The following PARD3B variants were observed in gnomAD, a reference collection of about 807,000 sequenced individuals.
PARD3B encodes the protein par-3 family cell polarity regulator beta, also known as partitioning defective 3 homolog B.
PARD3B carries 103 observed loss-of-function variants against 130.2 expected under a neutral mutation model. The observed-to-expected ratio is 0.79, with a 90% CI of 0.67 to 0.93. The LOEUF (loss-of-function observed/expected upper bound fraction) is 0.93. Among genes scored for constraint, PARD3B ranks in the 40% least tolerant of loss-of-function variants. PARD3B has a pLI of 0.00. For synonymous variants in PARD3B, 583 were observed against 553.2 expected, an observed-to-expected ratio of 1.05 and a Z score of -0.76; for missense variants, 1,609 against 1,499.2, an observed-to-expected ratio of 1.07 and a Z score of -1.21.
chr2:204,643,315 A>C (rs1297464219), intron 1 of PARD3B, among the ~76,000 whole-genome samples: 2 of 151,750 alleles, frequency 1.3e-5, no homozygotes, highest in Non-Finnish European at 2.9e-5. Context: ...CCCAGTCTGT[A>C]ATACAGCATA....
chr2:205,148,825 A>C (rs2033551028), intron 10 of PARD3B, among the ~76,000 whole-genome samples: 1 of 152,172 alleles, frequency 6.6e-6, no homozygotes, highest in Non-Finnish European at 1.5e-5. Flanking sequence ...GCTGCTCACA[A>C]CACAGACTAA....
intron 1 of PARD3B, among the ~76,000 whole-genome samples, chr2:204,676,859 A>G (rs1453533594): frequency 1.3e-5 from 2 of 151,860 alleles, no homozygotes; most frequent in African/African-American, 2.4e-5. Context: ...TAGTAGAGAC[A>G]GGGTTTCACC....
chr2:204,620,049 T>A (rs11675511), intron 1 of PARD3B, among the ~76,000 whole-genome samples: 2 of 151,964 alleles, frequency 1.3e-5, no homozygotes, highest in Non-Finnish European at 2.9e-5. Context: ...TCACCCAGGC[T>A]GGAGTGCAAT....
intron 22 of PARD3B, among the ~76,000 whole-genome samples, chr2:205,586,552 G>T (rs1331597536): frequency 6.6e-6 from 1 of 152,044 alleles, no homozygotes; most frequent in Non-Finnish European, 1.5e-5. Context: ...AGTGGAAAAT[G>T]TTCTGTCTCC....
rs1231542757 is a variant in PARD3B, at chr2:205,229,230, C to G, written c.2141-16548C>G. Among the ~76,000 whole-genome samples the G allele has an allele frequency of 6.6e-6, 1 of 152,194 alleles. No individual in the cohort carries two copies. The highest frequency in any genetic ancestry group is 1.5e-5 in the Non-Finnish European group (1 of 68,034). On this transcript the variant is annotated intron_variant, in intron 15 of 22. Coordinates refer to ENST00000406610, the MANE Select transcript of PARD3B (RefSeq NM_001302769.2). The surrounding 1 kb of genome is among the most constrained non-coding windows in gnomAD (Gnocchi z 5.2). ...TTTATTGTAGTCTTTGCAGTCTGGG[C>G]TTGTTGTACCCATCCTTCTTGGGAA...
At chr2:204,586,422 T>G (rs1402404303) in intron 1 of PARD3B, among the ~76,000 whole-genome samples, 1 of 152,192 alleles carries the variant, frequency 6.6e-6, no homozygotes, top group African/African-American at 2.4e-5. Flanking sequence ...GAGTAATGCT[T>G]GCCCCTGTTT....
intron 18 of PARD3B, among the ~76,000 whole-genome samples, chr2:205,354,998 CTTTG>C (rs1449966271): frequency 1.3e-5 from 2 of 152,146 alleles, no homozygotes; most frequent in Non-Finnish European, 2.9e-5. Flanking sequence ...TAAAATAGGA[CTTTG>C]TTTAACATTC....
chr2:204,832,461 G>A (rs2043864624), intron 2 of PARD3B, among the ~76,000 whole-genome samples: 1 of 152,154 alleles, frequency 6.6e-6, no homozygotes, highest in Admixed American at 6.5e-5. Context: ...TCGGTCTGTA[G>A]CATGTTCATG....
At chr2:205,254,563 A>G (rs1398318651) in intron 16 of PARD3B, among the ~76,000 whole-genome samples, 1 of 152,156 alleles carries the variant, frequency 6.6e-6, no homozygotes, top group African/African-American at 2.4e-5. Context: ...AGGAAGCCTT[A>G]AAAGACATAT....
intron 2 of PARD3B, among the ~76,000 whole-genome samples, chr2:204,897,096 T>G (rs1244511413): frequency 6.6e-6 from 1 of 152,192 alleles, no homozygotes; most frequent in Non-Finnish European, 1.5e-5. Context: ...ATGTTGTTCA[T>G]GGAAATATTT....
At position 205,292,724 on chromosome 2, in the gene PARD3B, T is replaced by C. The variant is rs888829758; in HGVS notation, c.2186-7806T>C. ...CTTTTTTTCTAGTTTTCTCTCATCA[T>C]GAACATACAGTTGAATTTGGGTAAG... On this transcript the variant is annotated intron_variant, in intron 16 of 22. Transcript: ENST00000406610. The surrounding 1 kb of genome is among the most constrained non-coding windows in gnomAD (Gnocchi z 5.3). 1.3e-5 allele frequency among the ~76,000 whole-genome samples: 2 copies of C among 152,236 alleles called. No individual in the cohort carries two copies. Among genetic ancestry groups the C allele is most frequent in the African/African-American group, 4.8e-5 (2 of 41,462 alleles).
chr2:205,349,432 T>C (rs2043911389), intron 18 of PARD3B, among the ~76,000 whole-genome samples: 2 of 152,242 alleles, frequency 1.3e-5, no homozygotes, highest in South Asian at 2.1e-4. Context: ...CATGGTCAGA[T>C]AGTAAGTAGC....
At chr2:204,601,598 T>C (rs1024173387) in intron 1 of PARD3B, among the ~76,000 whole-genome samples, 9 of 151,972 alleles carry the variant, frequency 5.9e-5, no homozygotes, top group African/African-American at 1.7e-4. Flanking sequence ...ACCAGTGCTT[T>C]AATATGTAGA....
At chr2:205,513,975 C>A (rs1206984924) in intron 21 of PARD3B, among the ~76,000 whole-genome samples, 1 of 152,076 alleles carries the variant, frequency 6.6e-6, no homozygotes, top group Non-Finnish European at 1.5e-5. Flanking sequence ...TGTCTGTCCG[C>A]CTCCAAAGTA....
chr2:205,080,208 G>A lies in PARD3B; in HGVS notation c.505-24218G>A, dbSNP rs370842038. On this transcript the variant is annotated intron_variant, in intron 4 of 22. Transcript: ENST00000406610. ...TAAAACTTAAAATTAAATTTTACAC[G>A]TATTCCCCTTTTTCTTGATTTGTCA... Among the ~76,000 whole-genome samples, 13 of 152,172 alleles carry A rather than the reference G, an allele frequency of 8.5e-5. No individual in the cohort carries two copies. The East Asian group carries it at 1.5e-3, about 18-fold the overall frequency.
At chr2:205,517,509 C>T (rs2050841718) in intron 21 of PARD3B, among the ~76,000 whole-genome samples, 1 of 151,912 alleles carries the variant, frequency 6.6e-6, no homozygotes, top group South Asian at 2.1e-4. Flanking sequence ...ATCTATCTTA[C>T]TAATTTTTTT....
intron 1 of PARD3B, among the ~76,000 whole-genome samples, chr2:204,611,271 A>T (rs1394630441): frequency 2.0e-5 from 3 of 152,178 alleles, no homozygotes; most frequent in Non-Finnish European, 2.9e-5. Context: ...AAATCCTTGT[A>T]GCCCTCTATG....
chr2:205,576,256 A>G (rs2053755274), intron 22 of PARD3B, among the ~76,000 whole-genome samples: 1 of 148,998 alleles, frequency 6.7e-6, no homozygotes, highest in African/African-American at 2.5e-5. Flanking sequence ...CATTCTATGT[A>G]TATTTTGATA....
chr2:204,988,619 G>C (rs192981457), intron 3 of PARD3B, among the ~76,000 whole-genome samples: 1 of 152,018 alleles, frequency 6.6e-6, no homozygotes, highest in Admixed American at 6.6e-5. Flanking sequence ...TATACCTATT[G>C]TGTACCCACA....
Sources: gnomAD v4.1 joint callset for allele counts (sites outside exome capture counted in the v4.1 genomes callset) on GRCh38, gnomAD v4.1.1 for gene constraint, Gnocchi (gnomAD v3.1) non-coding constraint, MANE v1.5 for transcripts, NCBI Gene and HGNC (gene_info 2026-07-23, HGNC 2026-07-21) for gene names.